HERC3: variants seen among roughly 807,000 people sequenced by gnomAD.
The protein encoded by HERC3 is probable E3 ubiquitin-protein ligase HERC3.
A neutral mutation model predicts 129.9 loss-of-function variants in HERC3; 58 were observed. The ratio of observed to expected loss-of-function variants is 0.45; its 90% CI spans 0.36 to 0.56. The LOEUF (loss-of-function observed/expected upper bound fraction) is 0.56, where lower values mean the gene tolerates loss of function less well. Among genes scored for constraint, HERC3 ranks in the 20% least tolerant of loss-of-function variants. The probability of loss-of-function intolerance (pLI) is 0.00; values close to 1 mark genes in which losing one functional copy is unlikely to be tolerated. For synonymous variants in HERC3, 430 were observed against 451.0 expected (o/e 0.95, Z 0.59); for missense variants, 835 against 1,244.2 (o/e 0.67, Z 4.95).
At position 88,628,271 on chromosome 4, in the gene HERC3, T is replaced by C. The variant is rs2149234898; in HGVS notation, c.227-21569T>C. Among the ~76,000 whole-genome samples the C allele has an allele frequency of 3.3e-5, 5 of 152,364 alleles. 1 individual carries two copies. The Middle Eastern group carries it at 0.014, about 415-fold the overall frequency. On this transcript the variant is annotated intron_variant, in intron 3 of 25. Transcript: ENST00000402738. ...TTAAGGTTGTTCGGTGTTAATGAGTTGATCCTTTTAACATCAAGAAATGTT... is the reference window on the plus strand; with the variant it reads ...TTAAGGTTGTTCGGTGTTAATGAGTCGATCCTTTTAACATCAAGAAATGTT...
intron 6 of HERC3, 50 bp downstream of exon 6, chr4:88,653,140 T>A: frequency 6.5e-7 from 1 of 1,547,838 alleles, no homozygotes; most frequent in Non-Finnish European, 8.9e-7. Context: ...CACATTCATT[T>A]AACACATGCT....
chr4:88,689,694 C>T (rs748889457), intron 23 of HERC3, among the ~76,000 whole-genome samples: 5 of 151,808 alleles, frequency 3.3e-5, no homozygotes, highest in African/African-American at 4.8e-5. Context: ...TCTTCTGCCT[C>T]GGCCTCCCGC....
At chr4:88,623,527 C>G (rs1169607131) in intron 3 of HERC3, among the ~76,000 whole-genome samples, 5 of 152,174 alleles carry the variant, frequency 3.3e-5, no homozygotes, top group Non-Finnish European at 5.9e-5. Flanking sequence ...TTCCAAGAAG[C>G]CTTTCCTAAC....
intron 3 of HERC3, among the ~76,000 whole-genome samples, chr4:88,607,488 G>C (rs1578156264): frequency 1.3e-5 from 2 of 151,884 alleles, no homozygotes; most frequent in Middle Eastern, 6.8e-3. Context: ...TTTTGAGACA[G>C]GATCTGGCTC....
At chr4:88,631,451 T>C (rs1311235526) in intron 3 of HERC3, among the ~76,000 whole-genome samples, 5 of 152,174 alleles carry the variant, frequency 3.3e-5, no homozygotes, top group Non-Finnish European at 4.4e-5. Context: ...AGTGAGATTC[T>C]GTCTCAAAAA....
At chr4:88,585,235 C>T in the HERC3 span, among the ~76,000 whole-genome samples, 1 of 152,220 alleles carries the variant, frequency 6.6e-6, no homozygotes, top group African/African-American at 2.4e-5. Context: ...TACCATCACC[C>T]TGGGGGTTAG....
At chr4:88,607,066 T>C (rs1430114405) in intron 3 of HERC3, among the ~76,000 whole-genome samples, 1 of 152,102 alleles carries the variant, frequency 6.6e-6, no homozygotes, top group African/African-American at 2.4e-5. Context: ...CAGTGATCCT[T>C]ATGGCAAATG....
At chr4:88,641,687 T>C (rs1411702785) in intron 3 of HERC3, among the ~76,000 whole-genome samples, 1 of 152,230 alleles carries the variant, frequency 6.6e-6, no homozygotes, top group East Asian at 1.9e-4. Flanking sequence ...TCTCTCTATA[T>C]ACATTTAACA....
chr4:88,700,368 A>G (rs966894560), intron 23 of HERC3, among the ~76,000 whole-genome samples: 5 of 152,132 alleles, frequency 3.3e-5, no homozygotes, highest in Non-Finnish European at 7.3e-5. Context: ...AAGCTGCCAC[A>G]CTGTTTCCCA....
chr4:88,688,307 T>A (rs894580511), intron 23 of HERC3, among the ~76,000 whole-genome samples: 6 of 152,108 alleles, frequency 3.9e-5, no homozygotes, highest in Non-Finnish European at 5.9e-5. Flanking sequence ...AGAGTGGAGG[T>A]TATCAAGGCC....
the HERC3 span, among the ~76,000 whole-genome samples, chr4:88,534,760 A>G: frequency 6.6e-6 from 1 of 152,246 alleles, no homozygotes; most frequent in Non-Finnish European, 1.5e-5. Flanking sequence ...TCCAGGTTTA[A>G]GCTAGTGCAT....
the HERC3 span, among the ~76,000 whole-genome samples, chr4:88,553,565 C>T: frequency 6.6e-6 from 1 of 152,026 alleles, no homozygotes; most frequent in Non-Finnish European, 1.5e-5. Flanking sequence ...TTCATGAAGA[C>T]AATTAAGAAG....
At chr4:88,626,400 G>A (rs1229861707) in intron 3 of HERC3, among the ~76,000 whole-genome samples, 2 of 151,978 alleles carry the variant, frequency 1.3e-5, no homozygotes, top group Non-Finnish European at 2.9e-5. Context: ...TTCCTTAAAT[G>A]GCTGGTAGAG....
At chr4:88,594,586 G>A (rs1722134386) in intron 1 of HERC3, among the ~76,000 whole-genome samples, 3 of 152,036 alleles carry the variant, frequency 2.0e-5, no homozygotes, top group Admixed American at 2.0e-4. Flanking sequence ...TGTAGTTTTT[G>A]GTTTCGCCAA....
intron 3 of HERC3, among the ~76,000 whole-genome samples, chr4:88,618,652 A>G (rs964055627): frequency 2.6e-5 from 4 of 152,172 alleles, no homozygotes; most frequent in African/African-American, 4.8e-5. Flanking sequence ...CACTGGACGT[A>G]GGTTGAGTGG....
At chr4:88,603,333 G>A (rs990999673) in intron 2 of HERC3, among the ~76,000 whole-genome samples, 45 of 150,410 alleles carry the variant, frequency 3.0e-4, no homozygotes, top group African/African-American at 9.5e-4. Flanking sequence ...TCAGCCTCCC[G>A]AGTAGCTGGG....
the HERC3 span, among the ~76,000 whole-genome samples, chr4:88,531,628 T>C: frequency 1.3e-5 from 2 of 152,140 alleles, no homozygotes; most frequent in Admixed American, 6.5e-5. Flanking sequence ...ACCCTCCTAT[T>C]TGAAGAAGTT....
At chr4:88,602,538 T>G (rs1028278189) in intron 2 of HERC3, among the ~76,000 whole-genome samples, 1 of 151,862 alleles carries the variant, frequency 6.6e-6, no homozygotes, top group Non-Finnish European at 1.5e-5. Context: ...AGTGCAGCAG[T>G]GCGATCACAG....
At chr4:88,610,298 C>G (rs1381064975) in intron 3 of HERC3, among the ~76,000 whole-genome samples, 1 of 151,802 alleles carries the variant, frequency 6.6e-6, no homozygotes, top group Non-Finnish European at 1.5e-5. Context: ...ACTAAAAATA[C>G]AAAAATTAGC....
Sources: allele counts gnomAD v4.1 joint callset (sites outside exome capture counted in the v4.1 genomes callset), GRCh38; gene constraint gnomAD v4.1.1; transcripts MANE v1.5; gene names NCBI Gene and HGNC (gene_info 2026-07-23, HGNC 2026-07-21).